The following BUD13 variants were observed in gnomAD, a reference collection of about 807,000 sequenced individuals.
BUD13 encodes BUD13 spliceosome associated protein, also known as BUD13 homolog.
BUD13 carries 47 observed loss-of-function variants against 62.5 expected under a neutral mutation model. That is an observed-to-expected ratio of 0.75 (90% CI 0.60 to 0.96). The LOEUF (loss-of-function observed/expected upper bound fraction) is 0.96, where lower values mean the gene tolerates loss of function less well. Among genes scored for constraint, BUD13 ranks in the 40% least tolerant of loss-of-function variants. The pLI, the probability that BUD13 is intolerant of heterozygous loss-of-function variation, is 0.00. For synonymous variants in BUD13, 293 were observed against 280.1 expected (o/e 1.05, Z -0.46); for missense variants, 821 against 790.9 (o/e 1.04, Z -0.46).
intron 9 of BUD13, among the ~76,000 whole-genome samples, chr11:116,752,674 A>C (rs1193855841): frequency 6.6e-6 from 1 of 152,242 alleles, no homozygotes; most frequent in East Asian, 1.9e-4. Flanking sequence ...AAAAGCCTAC[A>C]TACAGTGAAC....
chr11:116,772,949 G>A lies in BUD13; in HGVS notation c.16C>T (p.Pro6Ser), dbSNP rs1433384201. 2 of 1,568,790 alleles carry A rather than the reference G, an allele frequency of 1.3e-6. No homozygotes were observed. Among genetic ancestry groups the A allele is most frequent in the Non-Finnish European group, 1.7e-6 (2 of 1,156,214 alleles). The change falls in exon 1 of 10, where the codon CCG (proline) becomes TCG (serine). Residue 6 changes from proline (P) to serine (S), a missense_variant. Physicochemically the swap from Pro to Ser is moderately conservative, Grantham distance 74. Coordinates refer to ENST00000260210, the MANE Select transcript of BUD13 (RefSeq NM_032725.4). ...TTCAGATACTCGGCCTTGGAAAGCG[G>A]CGGAGCTGCCGCCATGGCAGCGGCG... MAAAP[P>S]LSKAEYLKRY...
chr11:116,765,019 A>G (rs1591301090), intron 3 of BUD13, among the ~76,000 whole-genome samples: 1 of 152,162 alleles, frequency 6.6e-6, no homozygotes, highest in African/African-American at 2.4e-5. Context: ...TAAAGTCCCC[A>G]AATTCTGCTC....
Position 116,763,086 on chromosome 11 carries a change from GC to G in BUD13, c.502del (p.Ala168LeufsTer265). The G allele has an allele frequency of 6.3e-7, 1 of 1,582,112 alleles. No homozygotes were observed. The highest frequency in any genetic ancestry group is 8.6e-7 in the Non-Finnish European group (1 of 1,157,960). ...AGGAGATGTGTCTGAGTCATGACGA[GC>G]CCCTCTGAGGGGAGAAGGATCCGGG... is the stretch of plus-strand genomic sequence containing the variant. ...DTPDPSPLRG[A>X]RHDSDTSPPR... On this transcript the variant is annotated frameshift_variant, in exon 4 of 10. Transcript: ENST00000260210. LOFTEE classifies it high-confidence loss of function.
intron 1 of BUD13, among the ~76,000 whole-genome samples, chr11:116,772,529 T>C (rs1208705492): frequency 6.6e-6 from 1 of 152,182 alleles, no homozygotes; most frequent in Non-Finnish European, 1.5e-5. Context: ...AGGCACAATA[T>C]TCATTCTCTA....
In BUD13 at chr11:116,765,385, C is replaced by T. The variant is rs993632123; in HGVS notation, c.299G>A (p.Ser100Asn). ...ACCTCCCAGAAGCTTCCATTTGGCA[C>T]TGGAACGAAAGGCCTCCATCTGCTT... The part of the protein sequence containing the change: ...EVKQMEAFRS[S>N]AKWKLLGGHN... The change falls in exon 3 of 10, where the codon AGT becomes AAT. Residue 100 changes from serine to asparagine, a missense_variant. Ser to Asn is a conservative substitution (Grantham distance 46). Coordinates refer to ENST00000260210, the MANE Select transcript of BUD13 (RefSeq NM_032725.4). 3 of 1,614,166 alleles carry T rather than the reference C, an allele frequency of 1.9e-6. No individual in the cohort carries two copies. The highest frequency in any genetic ancestry group is 2.2e-5 in the East Asian group (1 of 44,884).
At chr11:116,763,479 C>T (rs1323976865) in intron 3 of BUD13, among the ~76,000 whole-genome samples, 1 of 152,142 alleles carries the variant, frequency 6.6e-6, no homozygotes, top group Admixed American at 6.5e-5. Context: ...CATAAATTTG[C>T]AAAGCATTTT....
rs141701103 is a variant in BUD13 at position 116,772,154 on chromosome 11, T to C, written c.143+668A>G. ...CAAGTATGACCTCATCTTAACTGAT[T>C]ACATCTCCAAAGACCCTATTTCTAA... is the stretch of plus-strand genomic sequence containing the variant. On this transcript the variant is annotated intron_variant, in intron 1 of 9. Coordinates refer to ENST00000260210, the MANE Select transcript of BUD13 (RefSeq NM_032725.4). Among the ~76,000 whole-genome samples the C allele has an allele frequency of 4.1e-3, 628 of 152,290 alleles. 5 individuals are homozygous for C. Among genetic ancestry groups the C allele is most frequent in the Non-Finnish European group, 6.0e-3 (406 of 67,998 alleles).
chr11:116,764,437 G>C lies in BUD13; in HGVS notation c.322+925C>G, dbSNP rs771858790. Among the ~76,000 whole-genome samples, 3 of 152,136 alleles carry C rather than the reference G, an allele frequency of 2.0e-5. No homozygotes were observed. The East Asian group carries it at 5.8e-4, about 29-fold the overall frequency. ...AAGCAAGGGTCAGAGATTGGTAAGC[G>C]TACTTCCAATAACAAATTGGGATGG... is the stretch of plus-strand genomic sequence containing the variant. On this transcript the variant is annotated intron_variant, in intron 3 of 9. Coordinates refer to ENST00000260210, the MANE Select transcript of BUD13 (RefSeq NM_032725.4).
Position 116,763,205 on chromosome 11 carries a change from A to G in BUD13, c.384T>C (p.Pro128=), listed in dbSNP as rs1385763367. 6.3e-7 allele frequency: 1 copy of G among 1,579,504 alleles called. No individual in the cohort carries two copies. Among genetic ancestry groups the G allele is most frequent in the Admixed American group, 1.8e-5 (1 of 55,472 alleles). ...HFRHDTPDSS[P]RRVRHGTPDP... ...CTGGGGTACCATGACGGACCCTCCTAGGAGATGAATCCGGGGTATCGTGAC... is the reference window on the plus strand; with the variant it reads ...CTGGGGTACCATGACGGACCCTCCTGGGAGATGAATCCGGGGTATCGTGAC... Residue 128 remains proline (P), a synonymous_variant, in exon 4 of 10, where the codon CCT becomes CCC. Transcript: ENST00000260210.
intron 5 of BUD13, 123 bp from the exon 6 acceptor site, chr11:116,759,302 T>G: frequency 1.6e-6 from 1 of 634,004 alleles, no homozygotes; most frequent in Non-Finnish European, 2.8e-6. Context: ...AACTCTAGCT[T>G]TATATTCTCA....
At chr11:116,768,616 ACTT>A (rs998877254) in intron 2 of BUD13, among the ~76,000 whole-genome samples, 1 of 152,160 alleles carries the variant, frequency 6.6e-6, no homozygotes. Flanking sequence ...GTTAATATTT[ACTT>A]CTTCTGACCA....
Position 116,762,800 on chromosome 11 carries a change from T to C in BUD13, c.789A>G (p.Gln263=), listed in dbSNP as rs1940455042. ...GGGAGTCATGACGGGCCCTTCTGAG[T>C]TGCTGTGTGTCTGAAGAGCCAAGAG... is the stretch of plus-strand genomic sequence containing the variant. ...RRTLGSSDTQ[Q]LRRARHDSPD... Residue 263 remains glutamine (Q), a synonymous_variant, in exon 4 of 10, where the codon CAA becomes CAG. Coordinates refer to ENST00000260210, the MANE Select transcript of BUD13 (RefSeq NM_032725.4). The C allele has an allele frequency of 3.8e-6, 6 of 1,596,970 alleles. No homozygotes were observed. Among genetic ancestry groups the C allele is most frequent in the Non-Finnish European group, 4.3e-6 (5 of 1,173,928 alleles).
At chr11:116,768,488 T>C (rs1940569109) in intron 2 of BUD13, among the ~76,000 whole-genome samples, 1 of 152,206 alleles carries the variant, frequency 6.6e-6, no homozygotes, top group South Asian at 2.1e-4. Context: ...GCAGTTATCT[T>C]TGGATGGTAA....
At chr11:116,767,154 C>T (rs944814136) in intron 2 of BUD13, among the ~76,000 whole-genome samples, 1 of 150,874 alleles carries the variant, frequency 6.6e-6, no homozygotes, top group Non-Finnish European at 1.5e-5. Context: ...AGCCACTGCA[C>T]TCCAGCGTTG....
chr11:116,764,454 T>G (rs1940493412), intron 3 of BUD13, among the ~76,000 whole-genome samples: 1 of 151,868 alleles, frequency 6.6e-6, no homozygotes, highest in African/African-American at 2.4e-5. Flanking sequence ...CAATAACAAA[T>G]TGGGATGGGG....
intron 2 of BUD13, among the ~76,000 whole-genome samples, chr11:116,765,676 C>T (rs1319735374): frequency 5.3e-5 from 8 of 152,182 alleles, no homozygotes; most frequent in Non-Finnish European, 1.2e-4. Context: ...ATCAATTACC[C>T]TGCAAAGGTT....
chr11:116,763,287 G>C (rs1565314608), intron 3 of BUD13, 21 bp from the exon 4 acceptor site: 1 of 1,518,332 alleles, frequency 6.6e-7, no homozygotes, highest in Admixed American at 2.2e-5. Flanking sequence ...ATAACAAAGA[G>C]TCAGATTCCC....
chr11:116,753,712 T>A lies in BUD13; in HGVS notation c.1766+3434A>T, dbSNP rs1215641179. The stretch of plus-strand genomic sequence containing the variant: ...AGGACTTCAAAGCACTAATTACATA[T>A]CATAAATATTTTCAAGAAGAGGAAA... On this transcript the variant is annotated intron_variant, in intron 9 of 9. Coordinates refer to ENST00000260210, the MANE Select transcript of BUD13 (RefSeq NM_032725.4). Among the ~76,000 whole-genome samples, 3 of 152,226 alleles carry A rather than the reference T, an allele frequency of 2.0e-5. No homozygotes were observed. In the East Asian group the frequency reaches 5.8e-4, roughly 29 times the overall value.
In BUD13 at chr11:116,765,384, A is replaced by T. The variant is rs1940514439; in HGVS notation, c.300T>A (p.Ser100Arg). The T allele has an allele frequency of 6.2e-7, 1 of 1,614,136 alleles. No homozygotes were observed. The highest frequency in any genetic ancestry group is 8.5e-7 in the Non-Finnish European group (1 of 1,180,008). ...CACCTCCCAGAAGCTTCCATTTGGC[A>T]CTGGAACGAAAGGCCTCCATCTGCT... The part of the protein sequence containing the change: ...EVKQMEAFRS[S>R]AKWKLLGGHN... The change falls in exon 3 of 10, where the codon AGT (serine) becomes AGA (arginine). Residue 100 changes from serine to arginine, a missense_variant. Coordinates refer to ENST00000260210, the MANE Select transcript of BUD13 (RefSeq NM_032725.4).
Sources: gnomAD v4.1 joint callset for allele counts (sites outside exome capture counted in the v4.1 genomes callset) on GRCh38, gnomAD v4.1.1 for gene constraint, MANE v1.5 for transcripts, NCBI Gene and HGNC (gene_info 2026-07-23, HGNC 2026-07-21) for gene names.